Variants in COL4A1 observed in about 807,000 individuals in gnomAD.
COL4A1 encodes the protein collagen alpha-1(IV) chain.
COL4A1 carries 40 observed loss-of-function variants against 216.6 expected under a neutral mutation model. That is an observed-to-expected ratio of 0.18 (90% CI 0.14 to 0.24). COL4A1 has a LOEUF of 0.24. Ranked by LOEUF, COL4A1 falls within the 10% of genes least tolerant of loss-of-function variation. The probability of loss-of-function intolerance (pLI) is 1.00; values close to 1 mark genes in which losing one functional copy is unlikely to be tolerated. For missense variants in COL4A1, 1,628 were observed against 2,196.8 expected, an observed-to-expected ratio of 0.74 and a Z score of 5.18; for synonymous variants, 839 against 810.7, an observed-to-expected ratio of 1.03 and a Z score of -0.59.
intron 1 of COL4A1, among the ~76,000 whole-genome samples, chr13:110,275,863 C>G (rs1193069): frequency 1.3e-5 from 2 of 152,068 alleles, no homozygotes; most frequent in Admixed American, 1.3e-4. Context: ...TGCAAAACTA[C>G]GGAGACAGCA....
At chr13:110,301,630 G>T (rs561251089) in intron 1 of COL4A1, among the ~76,000 whole-genome samples, 1 of 152,170 alleles carries the variant, frequency 6.6e-6, no homozygotes, top group African/African-American at 2.4e-5. Context: ...ACTCTGACTC[G>T]AGAGGGGATC....
intron 1 of COL4A1, among the ~76,000 whole-genome samples, chr13:110,250,817 C>A (rs571175542): frequency 5.1e-4 from 77 of 152,308 alleles, no homozygotes; most frequent in Non-Finnish European, 9.3e-4. Flanking sequence ...GCCAGTGCGT[C>A]CCCAGCATCC....
At position 110,166,381 on chromosome 13, in the gene COL4A1, T is replaced by C. The variant is rs9588106; in HGVS notation, c.3950-78A>G. ...ATATGTGTGTGTATATATCTCTCTC[T>C]AGTGCACACACATACATGTACACAA... On this transcript the variant is annotated intron_variant, in intron 44 of 51. Transcript: ENST00000375820. 4.6e-3 allele frequency: 4,151 copies of C among 900,830 alleles called. 129 individuals are homozygous for C. In the African/African-American group the frequency reaches 0.06, roughly 13 times the overall value. 55.8% of individuals were successfully genotyped at this position (900,830 alleles called of 1,614,324 possible). A position where few individuals can be genotyped will look rare whatever the true frequency, so the allele number is the denominator to read the frequency against.
intron 29 of COL4A1, among the ~76,000 whole-genome samples, chr13:110,179,766 C>T (rs947939755): frequency 6.6e-6 from 1 of 152,168 alleles, no homozygotes; most frequent in African/African-American, 2.4e-5. Context: ...CCCTGAGTAA[C>T]CGGTAAAATG....
At chr13:110,216,827 G>C (rs1317116813) in intron 2 of COL4A1, among the ~76,000 whole-genome samples, 1 of 152,148 alleles carries the variant, frequency 6.6e-6, no homozygotes, top group Non-Finnish European at 1.5e-5. Context: ...TCACAGATAG[G>C]GAAATTAAGA....
Position 110,271,949 on chromosome 13 carries a change from T to C in COL4A1, c.85-29215A>G, listed in dbSNP as rs1272568994. On this transcript the variant is annotated intron_variant, in intron 1 of 51. Transcript: ENST00000375820. ...AACTACTTGAAAAATGAATCCTAAA[T>C]AGCTCATCGTATTTGTGGTCTTCAA... Among the ~76,000 whole-genome samples the C allele has an allele frequency of 3.3e-5, 5 of 152,232 alleles. No homozygotes were observed. In the East Asian group the frequency reaches 9.6e-4, roughly 29 times the overall value.
chr13:110,253,180 C>CGTATTATATATACATATAACTGTAT (rs1566417498), intron 1 of COL4A1, among the ~76,000 whole-genome samples: 3 of 91,164 alleles, frequency 3.3e-5, no homozygotes, highest in African/African-American at 9.5e-5. Flanking sequence ...ACTATATGTA[C>CGTATTATATATACATATAACTGTAT]GTATGTATTA....
rs184943983 is a variant in COL4A1 at position 110,165,434 on chromosome 13, G to T, written c.4022-444C>A. Among the ~76,000 whole-genome samples the T allele has an allele frequency of 6.6e-5, 10 of 152,224 alleles. No individual in the cohort carries two copies. In the East Asian group the frequency reaches 1.9e-3, roughly 30 times the overall value. On this transcript the variant is annotated intron_variant, in intron 45 of 51. Transcript: ENST00000375820. ...ACACTGGTCCTGATCTTTGAGTGAC[G>T]AATGAACTTAATCCTTCTTCTGCAT...
In COL4A1 at chr13:110,221,849, T is replaced by C. The variant is rs1880494701; in HGVS notation, c.145-7834A>G. Among the ~76,000 whole-genome samples, 3 of 152,242 alleles carry C rather than the reference T, an allele frequency of 2.0e-5. No homozygotes were observed. In the South Asian group the frequency reaches 6.2e-4, roughly 32 times the overall value. ...TCCACGTTGGAAAGGAAGAAAAATA[T>C]GATGATGATCTTTTTCCAAAGGCTT... On this transcript the variant is annotated intron_variant, in intron 2 of 51. Coordinates refer to ENST00000375820, the MANE Select transcript of COL4A1 (RefSeq NM_001845.6).
intron 1 of COL4A1, among the ~76,000 whole-genome samples, chr13:110,281,672 C>T (rs529667557): frequency 1.3e-5 from 2 of 152,284 alleles, no homozygotes; most frequent in East Asian, 3.9e-4. Context: ...AAGTCTTACC[C>T]ACTTTACCTC....
At chr13:110,288,482 A>G (rs1883938062) in intron 1 of COL4A1, among the ~76,000 whole-genome samples, 1 of 152,144 alleles carries the variant, frequency 6.6e-6, no homozygotes, top group Admixed American at 6.5e-5. Context: ...AGGATTATCT[A>G]ACCACAGGGT....
intron 1 of COL4A1, among the ~76,000 whole-genome samples, chr13:110,280,544 G>A (rs183005452): frequency 8.2e-4 from 125 of 152,342 alleles, no homozygotes; most frequent in African/African-American, 2.9e-3. Flanking sequence ...TCAAGTTCTT[G>A]CTCACAAATC....
chr13:110,177,170 C>T (rs1162886470), intron 33 of COL4A1, 133 bp from the exon 34 acceptor site: 3 of 1,447,330 alleles, frequency 2.1e-6, no homozygotes, highest in Admixed American at 2.0e-5. Context: ...TCCAAAATGG[C>T]ATTAATGGCC....
chr13:110,219,844 GTGTATATATA>G lies in COL4A1; in HGVS notation c.145-5839_145-5830del, dbSNP rs1208944160. Reference sequence around the variant, plus strand: ...TATATATATGTATGTATGTATATATGTGTATATATATGTATATATGTGTGTGTATATATGT... The same window carrying G: ...TATATATATGTATGTATGTATATATGTGTATATATGTGTGTGTATATATGT... On this transcript the variant is annotated intron_variant, in intron 2 of 51. Coordinates refer to ENST00000375820, the MANE Select transcript of COL4A1 (RefSeq NM_001845.6). 8.4e-4 allele frequency among the ~76,000 whole-genome samples: 100 copies of G among 119,012 alleles called. 3 individuals are homozygous for G. The highest frequency in any genetic ancestry group is 4.3e-3 in the Middle Eastern group (1 of 232). The allele number at this position is 119,012 out of a possible 152,430, so 78.1% of individuals were successfully genotyped here. A position where few individuals can be genotyped will look rare whatever the true frequency, so the allele number is the denominator to read the frequency against.
At chr13:110,173,781 G>C (rs1877750333) in intron 40 of COL4A1, 119 bp downstream of exon 40, 10 of 1,123,224 alleles carry the variant, frequency 8.9e-6, no homozygotes, top group Non-Finnish European at 1.3e-5. Context: ...AGTAGTTGCA[G>C]GGATGTGCAG....
chr13:110,269,415 G>A (rs1272737048), intron 1 of COL4A1, among the ~76,000 whole-genome samples: 1 of 152,164 alleles, frequency 6.6e-6, no homozygotes, highest in Non-Finnish European at 1.5e-5. Flanking sequence ...GATTGGGCCT[G>A]TAGTTCACAG....
chr13:110,269,615 T>C (rs576530402), intron 1 of COL4A1, among the ~76,000 whole-genome samples: 11 of 152,156 alleles, frequency 7.2e-5, no homozygotes, highest in Non-Finnish European at 1.5e-4. Flanking sequence ...ACTGGGTCTC[T>C]GGGGGCTGGC....
intron 1 of COL4A1, among the ~76,000 whole-genome samples, chr13:110,299,676 G>A (rs566687576): frequency 6.6e-6 from 1 of 152,194 alleles, no homozygotes; most frequent in Non-Finnish European, 1.5e-5. Context: ...GGATGTAGTT[G>A]AGACGTTGCC....
Position 110,207,933 on chromosome 13 carries a change from CT to C in COL4A1, c.694-445del, listed in dbSNP as rs1879595916. Among the ~76,000 whole-genome samples the C allele has an allele frequency of 1.3e-5, 2 of 152,290 alleles. No individual in the cohort carries two copies. The highest frequency in any genetic ancestry group is 4.1e-4 in the South Asian group (2 of 4,830). On this transcript the variant is annotated intron_variant, in intron 12 of 51. Coordinates refer to ENST00000375820, the MANE Select transcript of COL4A1 (RefSeq NM_001845.6). This position sits in a 1 kb window ranked among gnomAD's most constrained non-coding sequence, Gnocchi z 4.4. Reference sequence around the variant, plus strand: ...CGGGCATCCTAACTGCCGGGTACGCCTAAAAATTACAACTGCATACATTTCA... The same window carrying C: ...CGGGCATCCTAACTGCCGGGTACGCCAAAAATTACAACTGCATACATTTCA...
Sources: allele counts gnomAD v4.1 joint callset (sites outside exome capture counted in the v4.1 genomes callset), GRCh38; gene constraint gnomAD v4.1.1; non-coding constraint Gnocchi (gnomAD v3.1); transcripts MANE v1.5; gene names NCBI Gene and HGNC (gene_info 2026-07-23, HGNC 2026-07-21).